LPP: variants seen among roughly 807,000 people sequenced by gnomAD.
LPP encodes the protein lipoma-preferred partner.
LPP carries 38 observed loss-of-function variants against 60.4 expected under a neutral mutation model. The ratio of observed to expected loss-of-function variants is 0.63; its 90% confidence interval spans 0.49 to 0.83. The LOEUF (loss-of-function observed/expected upper bound fraction) is 0.83, where lower values mean the gene tolerates loss of function less well. Among genes scored for constraint, LPP ranks in the 40% least tolerant of loss-of-function variants. The pLI, the probability that LPP is intolerant of heterozygous loss-of-function variation, is 0.00. For synonymous variants in LPP, 328 were observed against 290.8 expected (o/e 1.13, Z -1.30); for missense variants, 902 against 783.6 (o/e 1.15, Z -1.80).
chr3:188,380,520 T>A (rs957469165), intron 3 of LPP, among the ~76,000 whole-genome samples: 1 of 152,194 alleles, frequency 6.6e-6, no homozygotes, highest in African/African-American at 2.4e-5. Context: ...GCCAATCAAA[T>A]GGAAGACAAA....
At chr3:188,280,733 G>C (rs370358758) in intron 2 of LPP, among the ~76,000 whole-genome samples, 1 of 152,028 alleles carries the variant, frequency 6.6e-6, no homozygotes, top group African/African-American at 2.4e-5. Context: ...CGTTTTGTCT[G>C]GGTTAACCAA....
intron 4 of LPP, among the ~76,000 whole-genome samples, chr3:188,434,866 C>T (rs1027997736): frequency 3.9e-5 from 6 of 152,138 alleles, no homozygotes; most frequent in Non-Finnish European, 8.8e-5. Flanking sequence ...AGAAACCATC[C>T]TGTCTAATGT....
intron 1 of LPP, among the ~76,000 whole-genome samples, chr3:188,202,722 A>G (rs1374890136): frequency 6.6e-6 from 1 of 152,036 alleles, no homozygotes; most frequent in East Asian, 1.9e-4. Flanking sequence ...TTCTTTTTGG[A>G]TGGGCTTTCG....
chr3:188,423,819 ATTTG>A (rs1015352055), intron 4 of LPP, among the ~76,000 whole-genome samples: 1 of 151,734 alleles, frequency 6.6e-6, no homozygotes, highest in Admixed American at 6.6e-5. Context: ...TTTCTTGAAA[ATTTG>A]TTTAAGTTCT....
rs142355417 is a variant in LPP, at chr3:188,168,012, G to T, written c.-190+13760G>T. The stretch of plus-strand genomic sequence containing the variant: ...GTTTGTGTTTCTCTTTATATGGATT[G>T]TCATATGACAATATTTAGAAATAGT... On this transcript the variant is annotated intron_variant, in intron 1 of 11. Coordinates refer to ENST00000617246, the MANE Select transcript of LPP (RefSeq NM_001375462.1). Among the ~76,000 whole-genome samples the T allele has an allele frequency of 5.8e-3, 886 of 152,258 alleles. 11 individuals carry two copies. Among genetic ancestry groups the T allele is most frequent in the African/African-American group, 0.021 (856 of 41,532 alleles).
Position 188,609,421 on chromosome 3 carries a change from C to T in LPP, c.690C>T (p.Pro230=). Residue 230 remains proline, a synonymous_variant, in exon 7 of 12, where the codon CCC becomes CCT. Coordinates refer to ENST00000617246, the MANE Select transcript of LPP (RefSeq NM_001375462.1). This position sits in a 1 kb window ranked among gnomAD's most constrained non-coding sequence, Gnocchi z 6.9. ...ATGTGCAGGTGAAGTCAGCCCAGCC[C>T]AGCCCTCATTATATGGCTGCCCCTT... ...TFNVQVKSAQ[P]SPHYMAAPSS... The T allele has an allele frequency of 1.9e-6, 3 of 1,614,164 alleles. No homozygotes were observed. Among genetic ancestry groups the T allele is most frequent in the African/African-American group, 2.7e-5 (2 of 75,036 alleles).
intron 6 of LPP, among the ~76,000 whole-genome samples, chr3:188,529,990 C>T (rs1430405110): frequency 6.6e-6 from 1 of 152,136 alleles, no homozygotes; most frequent in Non-Finnish European, 1.5e-5. Flanking sequence ...GTAGAGCAGG[C>T]AGTATTTGAG....
intron 7 of LPP, among the ~76,000 whole-genome samples, chr3:188,696,892 A>G (rs183363528): frequency 6.6e-6 from 1 of 152,268 alleles, no homozygotes; most frequent in Non-Finnish European, 1.5e-5. Flanking sequence ...TGCCTAATTA[A>G]TTACTATTAT....
intron 2 of LPP, among the ~76,000 whole-genome samples, chr3:188,273,877 G>A (rs1164454695): frequency 6.6e-6 from 1 of 152,072 alleles, no homozygotes; most frequent in South Asian, 2.1e-4. Flanking sequence ...TTACAAGTGT[G>A]AGCCACCATG....
intron 3 of LPP, among the ~76,000 whole-genome samples, chr3:188,361,237 T>A (rs1484875298): frequency 6.6e-6 from 1 of 152,188 alleles, no homozygotes; most frequent in Non-Finnish European, 1.5e-5. Flanking sequence ...ATTTTGAATA[T>A]TACTTTCATA....
At chr3:188,324,848 C>T (rs1291692988) in intron 2 of LPP, among the ~76,000 whole-genome samples, 1 of 152,128 alleles carries the variant, frequency 6.6e-6, no homozygotes, top group Non-Finnish European at 1.5e-5. Context: ...TACAATTTGT[C>T]CACTTCACAC....
At chr3:188,607,380 T>G (rs1425417520) in intron 6 of LPP, among the ~76,000 whole-genome samples, 137 of 16,690 alleles carry the variant, frequency 8.2e-3, no homozygotes, top group African/African-American at 0.031. Flanking sequence ...GATATATATA[T>G]ATATATATAT....
intron 2 of LPP, among the ~76,000 whole-genome samples, chr3:188,257,362 C>T (rs750781431): frequency 2.0e-5 from 3 of 152,130 alleles, no homozygotes; most frequent in African/African-American, 2.4e-5. Context: ...GTGAGGGTGA[C>T]GGTCGTGTTA....
chr3:188,181,151 G>A (rs1409315318), intron 1 of LPP, among the ~76,000 whole-genome samples: 2 of 151,934 alleles, frequency 1.3e-5, no homozygotes, highest in Admixed American at 6.6e-5. Flanking sequence ...TCAGGGATTC[G>A]AGACCAGCCT....
intron 3 of LPP, among the ~76,000 whole-genome samples, chr3:188,362,307 C>T (rs1379944130): frequency 1.3e-5 from 2 of 152,168 alleles, no homozygotes; most frequent in Non-Finnish European, 2.9e-5. Context: ...ATATCTTCTC[C>T]AAAGATTCTA....
At chr3:188,235,641 T>C (rs2149398721) in intron 2 of LPP, among the ~76,000 whole-genome samples, 1 of 152,326 alleles carries the variant, frequency 6.6e-6, no homozygotes, top group East Asian at 1.9e-4. Context: ...CAATCTCTTC[T>C]CCACTTAGCA....
chr3:188,712,075 G>A (rs981979563), intron 8 of LPP: 1 of 152,148 alleles, frequency 6.6e-6, no homozygotes, highest in Non-Finnish European at 1.5e-5. Flanking sequence ...TCTAGGGAAG[G>A]CTGTCAATGT....
chr3:188,158,882 G>A (rs763663013), intron 1 of LPP, among the ~76,000 whole-genome samples: 16 of 152,122 alleles, frequency 1.1e-4, no homozygotes, highest in African/African-American at 3.1e-4. Flanking sequence ...GCCCACATTC[G>A]TGGGGCCCTA....
chr3:188,888,419 TCTC>T lies in LPP; in HGVS notation c.*13942_*13944del. On this transcript the variant is annotated 3_prime_UTR_variant, in exon 12 of 12. Transcript: ENST00000617246. Reference sequence around the variant, plus strand: ...ACCTTTGAGAAAAACGATTGCACCTTCTCCAAGTCTGCCTTTTTAACAGCTACA... The same window carrying T: ...ACCTTTGAGAAAAACGATTGCACCTTCAAGTCTGCCTTTTTAACAGCTACA... 1 of 227,060 alleles carries T rather than the reference TCTC, an allele frequency of 4.4e-6. No individual in the cohort carries two copies. The highest frequency in any genetic ancestry group is 1.3e-3 in the Middle Eastern group (1 of 742). The allele number at this position is 227,060 out of a possible 1,614,324, so 14.1% of individuals were successfully genotyped here.
Sources: gnomAD v4.1 joint callset for allele counts (sites outside exome capture counted in the v4.1 genomes callset) on GRCh38, gnomAD v4.1.1 for gene constraint, Gnocchi (gnomAD v3.1) non-coding constraint, MANE v1.5 for transcripts, NCBI Gene and HGNC (gene_info 2026-07-23, HGNC 2026-07-21) for gene names.